PRKAG2: variants seen among roughly 807,000 people sequenced by gnomAD.
The protein encoded by PRKAG2 is protein kinase AMP-activated non-catalytic subunit gamma 2, also known as 5'-AMP-activated protein kinase subunit gamma-2.
In PRKAG2, 26 loss-of-function variants were observed where a neutral mutation model predicts 69.6. The observed-to-expected ratio is 0.37, with a 90% CI of 0.27 to 0.52. The LOEUF (loss-of-function observed/expected upper bound fraction) is 0.52, where lower values mean the gene tolerates loss of function less well. Among genes scored for constraint, PRKAG2 ranks in the 20% least tolerant of loss-of-function variants. PRKAG2 has a pLI of 0.90. For synonymous variants in PRKAG2, 293 were observed against 285.0 expected, an observed-to-expected ratio of 1.03 and a Z score of -0.28; for missense variants, 557 against 740.0, an observed-to-expected ratio of 0.75 and a Z score of 2.87.
chr7:151,656,102 T>G (rs925442875), intron 4 of PRKAG2, among the ~76,000 whole-genome samples: 1 of 152,234 alleles, frequency 6.6e-6, no homozygotes, highest in East Asian at 1.9e-4. Context: ...ATATTGTGCT[T>G]TATTGTAGTT....
At position 151,614,995 on chromosome 7, in the gene PRKAG2, C is replaced by T. The variant is rs61385728; in HGVS notation, c.754+17074G>A. Among the ~76,000 whole-genome samples the T allele has an allele frequency of 0.05, 7,657 of 152,058 alleles. 624 individuals carry two copies. Among genetic ancestry groups the T allele is most frequent in the African/African-American group, 0.17 (7,241 of 41,442 alleles). On this transcript the variant is annotated intron_variant, in intron 5 of 15. Transcript: ENST00000287878. This position sits in a 1 kb window ranked among gnomAD's most constrained non-coding sequence, Gnocchi z 4.4. ...CCAGAGGGAACCTCGAGAGAGGAGC[C>T]GTGTGGATCCAGAGGGAACCCCGAG...
At chr7:151,666,059 G>A (rs1831004406) in intron 4 of PRKAG2, among the ~76,000 whole-genome samples, 1 of 152,114 alleles carries the variant, frequency 6.6e-6, no homozygotes. Context: ...TCAATTCACT[G>A]AGCTATGCTA....
At chr7:151,610,905 C>T (rs374155984) in intron 5 of PRKAG2, among the ~76,000 whole-genome samples, 3 of 151,718 alleles carry the variant, frequency 2.0e-5, no homozygotes, top group East Asian at 4.0e-4. Context: ...GCGCCCACCC[C>T]CATGCCTAAC....
intron 1 of PRKAG2, among the ~76,000 whole-genome samples, chr7:151,818,628 A>T (rs1256128042): frequency 3.3e-5 from 5 of 152,250 alleles, no homozygotes; most frequent in Non-Finnish European, 7.3e-5. Flanking sequence ...TTATGTGCCA[A>T]TGCTGTCCCT....
chr7:151,743,355 G>A lies in PRKAG2; in HGVS notation c.466+37797C>T, dbSNP rs117634142. On this transcript the variant is annotated intron_variant, in intron 3 of 15. Coordinates refer to ENST00000287878, the MANE Select transcript of PRKAG2 (RefSeq NM_016203.4). ...TGCCTTTATCTCTTAGCAGTGCCCC[G>A]TGCTGTGTGGCCAAGGCTTCCAGGT... 1.6e-4 allele frequency among the ~76,000 whole-genome samples: 24 copies of A among 152,238 alleles called. No individual in the cohort carries two copies. The East Asian group carries it at 2.3e-3, about 15-fold the overall frequency.
intron 9 of PRKAG2, among the ~76,000 whole-genome samples, chr7:151,571,843 T>C (rs1207210977): frequency 6.6e-6 from 1 of 152,158 alleles, no homozygotes; most frequent in Admixed American, 6.5e-5. Flanking sequence ...GCTACAAAGG[T>C]TGCTTCTCCT....
chr7:151,595,446 C>T lies in PRKAG2; in HGVS notation c.763G>A (p.Asp255Asn). Residue 255 changes from aspartate (D) to asparagine (N), a missense_variant, in exon 6 of 16, where the codon GAC becomes AAC. Physicochemically the swap from Asp to Asn is conservative, Grantham distance 23 (BLOSUM62 1). Around this residue, in one of 2 missense-constraint regions of PRKAG2, gnomAD observed 352 missense variants for 356.7 expected, o/e 0.99. Coordinates refer to ENST00000287878, the MANE Select transcript of PRKAG2 (RefSeq NM_016203.4). ...KLEFEDEAVE[D>N]SESGVYMRFM... ...CGCATGTAAACACCACTTTCTGAGT[C>T]TTCTACTGCTAAAAGAAAAAAAGGC... The T allele has an allele frequency of 6.2e-7, 1 of 1,612,808 alleles. No homozygotes were observed. The highest frequency in any genetic ancestry group is 8.5e-7 in the Non-Finnish European group (1 of 1,179,054).
intron 1 of PRKAG2, among the ~76,000 whole-genome samples, chr7:151,862,955 G>A (rs1171336684): frequency 1.3e-5 from 2 of 151,480 alleles, no homozygotes; most frequent in African/African-American, 2.4e-5. Context: ...GGGAGCACTG[G>A]TAGATCTCCG....
chr7:151,597,826 C>CCCG (rs1554482799), intron 5 of PRKAG2, among the ~76,000 whole-genome samples: 2 of 149,056 alleles, frequency 1.3e-5, no homozygotes, highest in African/African-American at 4.9e-5. Context: ...GGGAGCCCCC[C>CCCG]CCCCCGCTCT....
Position 151,771,134 on chromosome 7 carries a change from C to A in PRKAG2, c.466+10018G>T, listed in dbSNP as rs992259832. Among the ~76,000 whole-genome samples, 2 of 152,224 alleles carry A rather than the reference C, an allele frequency of 1.3e-5. No homozygotes were observed. The highest frequency in any genetic ancestry group is 1.5e-5 in the Non-Finnish European group (1 of 68,040). On this transcript the variant is annotated intron_variant, in intron 3 of 15. Transcript: ENST00000287878. The surrounding 1 kb of genome is among the most constrained non-coding windows in gnomAD (Gnocchi z 4.0). ...GGCTCTAAGATCTGCCTGATTTCTA[C>A]TACTGTAAGAACATAGAAAGTAATC...
chr7:151,857,238 T>C (rs1266582207), intron 1 of PRKAG2, among the ~76,000 whole-genome samples: 1 of 151,950 alleles, frequency 6.6e-6, no homozygotes, highest in African/African-American at 2.4e-5. Flanking sequence ...TCAGTGCTTT[T>C]TGCTGGGTGA....
At chr7:151,763,125 C>T (rs1414478862) in intron 3 of PRKAG2, among the ~76,000 whole-genome samples, 1 of 152,238 alleles carries the variant, frequency 6.6e-6, no homozygotes, top group Non-Finnish European at 1.5e-5. Flanking sequence ...CTGAATCCAT[C>T]CCCTCGCTAC....
chr7:151,803,508 C>A (rs528362419), intron 1 of PRKAG2, among the ~76,000 whole-genome samples: 2 of 152,278 alleles, frequency 1.3e-5, no homozygotes, highest in South Asian at 4.1e-4. Flanking sequence ...ATATCCTACT[C>A]ATTCTTCAAA....
At chr7:151,715,261 C>T (rs1795980776) in intron 3 of PRKAG2, among the ~76,000 whole-genome samples, 1 of 144,844 alleles carries the variant, frequency 6.9e-6, no homozygotes, top group Non-Finnish European at 1.5e-5. Context: ...GGTGAGCCAC[C>T]CACTTCAGCC....
intron 5 of PRKAG2, among the ~76,000 whole-genome samples, chr7:151,631,040 G>T (rs1824279397): frequency 6.6e-6 from 1 of 152,234 alleles, no homozygotes; most frequent in South Asian, 2.1e-4. Flanking sequence ...CGTCCATGCT[G>T]GCTGTGCAGG....
intron 3 of PRKAG2, among the ~76,000 whole-genome samples, chr7:151,737,318 C>T (rs1300025342): frequency 1.4e-5 from 2 of 145,128 alleles, no homozygotes; most frequent in African/African-American, 5.2e-5. Context: ...CCAGCCAGGG[C>T]AACACAGTGA....
intron 1 of PRKAG2, among the ~76,000 whole-genome samples, chr7:151,855,471 G>C (rs116412292): frequency 0.02 from 157 of 7,994 alleles, no homozygotes; most frequent in Non-Finnish European, 0.024. Context: ...CACACACCAT[G>C]CTCCACACAC....
Position 151,570,212 on chromosome 7 carries a change from T to C in PRKAG2, c.1065A>G (p.Gln355=), listed in dbSNP as rs2151014676. The C allele has an allele frequency of 1.9e-6, 3 of 1,603,584 alleles. No homozygotes were observed. The highest frequency in any genetic ancestry group is 2.6e-6 in the Non-Finnish European group (3 of 1,172,896). ...KIETWRELYL[Q]ETFKPLVNIS... is the part of the protein sequence containing the mutation. Reference sequence around the variant, plus strand: ...TATTCACTAAAGGCTTAAATGTTTCTTGTAAATAAAGCTCTGTATTTATAG... The same window carrying C: ...TATTCACTAAAGGCTTAAATGTTTCCTGTAAATAAAGCTCTGTATTTATAG... Residue 355 remains glutamine (Q), a synonymous_variant, in exon 10 of 16, where the codon CAA becomes CAG. Transcript: ENST00000287878.
chr7:151,812,116 G>T (rs540571437), intron 1 of PRKAG2, among the ~76,000 whole-genome samples: 1 of 152,312 alleles, frequency 6.6e-6, no homozygotes, highest in African/African-American at 2.4e-5. Context: ...TAACAGCAGT[G>T]TAAGAGGTAA....
Sources: allele counts gnomAD v4.1 joint callset (sites outside exome capture counted in the v4.1 genomes callset), GRCh38; gene constraint gnomAD v4.1.1; regional missense constraint gnomAD v4.1.1; non-coding constraint Gnocchi (gnomAD v3.1); transcripts MANE v1.5; gene names NCBI Gene and HGNC (gene_info 2026-07-23, HGNC 2026-07-21).